The following BAZ1B variants were observed in gnomAD, a reference collection of about 807,000 sequenced individuals.
BAZ1B encodes the protein tyrosine-protein kinase BAZ1B.
A neutral mutation model predicts 153.8 loss-of-function variants in BAZ1B; 22 were observed. The ratio of observed to expected loss-of-function variants is 0.14; its 90% confidence interval spans 0.10 to 0.20. The LOEUF (loss-of-function observed/expected upper bound fraction) is 0.20. Among genes scored for constraint, BAZ1B ranks in the 10% least tolerant of loss-of-function variants. The probability of loss-of-function intolerance (pLI) is 1.00; values close to 1 mark genes in which losing one functional copy is unlikely to be tolerated. For missense variants in BAZ1B, 1,325 were observed against 1,799.3 expected, an observed-to-expected ratio of 0.74 and a Z score of 4.77; for synonymous variants, 676 against 633.4, an observed-to-expected ratio of 1.07 and a Z score of -1.01.
At chr7:73,502,715 T>C (rs570329736) in intron 3 of BAZ1B, among the ~76,000 whole-genome samples, 5 of 151,812 alleles carry the variant, frequency 3.3e-5, no homozygotes, top group East Asian at 3.9e-4. Flanking sequence ...GAAGTGGAGG[T>C]TGCAGTAAGC....
intron 6 of BAZ1B, among the ~76,000 whole-genome samples, chr7:73,482,735 T>C (rs927390650): frequency 1.3e-5 from 2 of 152,194 alleles, no homozygotes; most frequent in African/African-American, 4.8e-5. Flanking sequence ...GGCTTAGCCA[T>C]GAGGGTCTAG....
chr7:73,476,769 A>T, intron 7 of BAZ1B, 99 bp downstream of exon 7: 1 of 1,505,264 alleles, frequency 6.6e-7, no homozygotes, highest in Non-Finnish European at 8.8e-7. Context: ...ACATACAGAA[A>T]TAAGTAAACA....
At chr7:73,482,672 T>C (rs1205433919) in intron 6 of BAZ1B, among the ~76,000 whole-genome samples, 3 of 152,202 alleles carry the variant, frequency 2.0e-5, no homozygotes, top group Admixed American at 1.3e-4. Flanking sequence ...TTTAAACTTC[T>C]TCCACTTAGA....
chr7:73,470,565 A>G, intron 7 of BAZ1B, 82 bp from the exon 8 acceptor site: 1 of 1,505,884 alleles, frequency 6.6e-7, no homozygotes. Context: ...TGGAGTAAAA[A>G]GTGCCTAGTA....
chr7:73,489,296 T>C lies in BAZ1B; in HGVS notation c.789A>G (p.Arg263=). Residue 263 remains arginine (R), a synonymous_variant, in exon 6 of 20, where the codon CGA becomes CGG. Coordinates refer to ENST00000339594, the MANE Select transcript of BAZ1B (RefSeq NM_032408.4). The part of the protein sequence containing the change: ...VRYFIRHNAL[R]AGTGENAPWV... ...AAGGTGCATTTTCACCAGTACCAGCTCGTAATGCATTATGCCGTATAAAGT... is the reference window on the plus strand; with the variant it reads ...AAGGTGCATTTTCACCAGTACCAGCCCGTAATGCATTATGCCGTATAAAGT... The C allele has an allele frequency of 1.2e-6, 2 of 1,614,170 alleles. No homozygotes were observed. Among genetic ancestry groups the C allele is most frequent in the Non-Finnish European group, 1.7e-6 (2 of 1,180,042 alleles).
At position 73,498,697 on chromosome 7, in the gene BAZ1B, A is replaced by T. The variant is rs782783903; in HGVS notation, c.371T>A (p.Val124Asp). The change falls in exon 4 of 20, where the codon GTT becomes GAT. Residue 124 changes from valine to aspartate, a missense_variant and splice_region_variant. Physicochemically the swap from Val to Asp is radical, Grantham distance 152. This residue lies in a region of BAZ1B where 153 missense variants were observed against 204.8 expected (regional missense o/e 0.75). Coordinates refer to ENST00000339594, the MANE Select transcript of BAZ1B (RefSeq NM_032408.4). ...YAVGEECDFE[V>D]GKEKMLKVKI... Reference sequence around the variant, plus strand: ...CACCTTGAGCATTTTCTCCTTCCCAACCTATAAAGGAGGTAGTAGAGAAAA... The same window carrying T: ...CACCTTGAGCATTTTCTCCTTCCCATCCTATAAAGGAGGTAGTAGAGAAAA... 1.2e-6 allele frequency: 2 copies of T among 1,613,502 alleles called. No individual in the cohort carries two copies. The highest frequency in any genetic ancestry group is 2.2e-5 in the South Asian group (2 of 91,076).
chr7:73,456,937 C>CAAAA (rs71071937), intron 13 of BAZ1B, among the ~76,000 whole-genome samples: 12 of 39,586 alleles, frequency 3.0e-4, no homozygotes, highest in South Asian at 1.2e-3. Context: ...GACTCTGTCT[C>CAAAA]AAAAAAAAAA....
intron 13 of BAZ1B, among the ~76,000 whole-genome samples, chr7:73,454,133 T>TAAATAAATAAATAAATAAATAA (rs1788111481): frequency 6.8e-6 from 1 of 146,780 alleles, no homozygotes; most frequent in African/African-American, 2.5e-5. Context: ...ACCCCTTCTC[T>TAAATAAATAAATAAATAAATAA]ATAAATAAAT....
chr7:73,452,263 A>G (rs1252692552), intron 13 of BAZ1B, among the ~76,000 whole-genome samples: 2 of 152,210 alleles, frequency 1.3e-5, no homozygotes, highest in African/African-American at 2.4e-5. Flanking sequence ...ATGTAACAGT[A>G]CTTTCATCAG....
intron 13 of BAZ1B, among the ~76,000 whole-genome samples, chr7:73,455,027 GGTGTGT>G (rs140946302): frequency 6.7e-6 from 1 of 149,484 alleles, no homozygotes; most frequent in Non-Finnish European, 1.5e-5. Context: ...CCACACTCGG[GGTGTGT>G]GTGTGTGTGT....
At chr7:73,467,675 T>C (rs782546052) in intron 9 of BAZ1B, among the ~76,000 whole-genome samples, 17 of 152,188 alleles carry the variant, frequency 1.1e-4, no homozygotes, top group Non-Finnish European at 1.8e-4. Flanking sequence ...CCAGCCTCAG[T>C]TGGGTAATTT....
intron 9 of BAZ1B, 102 bp downstream of exon 9, chr7:73,469,415 A>C: frequency 4.2e-6 from 6 of 1,442,612 alleles, no homozygotes; most frequent in Non-Finnish European, 5.7e-6. Flanking sequence ...ACCACAATAA[A>C]GAAATTCTGC....
intron 13 of BAZ1B, among the ~76,000 whole-genome samples, chr7:73,454,212 G>C (rs1788115037): frequency 6.6e-6 from 1 of 152,058 alleles, no homozygotes; most frequent in Non-Finnish European, 1.5e-5. Flanking sequence ...TGTAGTTCCA[G>C]CTACTCGGGA....
rs1554565509 is a variant in BAZ1B, at chr7:73,442,845, A to G, written c.3991-17T>C. On this transcript the variant is annotated splice_polypyrimidine_tract_variant and intron_variant, in intron 17 of 19. Coordinates refer to ENST00000339594, the MANE Select transcript of BAZ1B (RefSeq NM_032408.4). ...CTGAAGCACCTGGCAGGAAAGAAAG[A>G]ACAATGTTATTACAGATTCAAGACA... The G allele has an allele frequency of 1.3e-6, 2 of 1,590,912 alleles. No individual in the cohort carries two copies. The highest frequency in any genetic ancestry group is 2.2e-5 in the South Asian group (2 of 90,516).
rs1156968567 is a variant in BAZ1B, at chr7:73,441,180, AAGG to A, written c.*526_*528del. On this transcript the variant is annotated 3_prime_UTR_variant, in exon 20 of 20. Transcript: ENST00000339594. ...GCTCTAGAGGAGAGTGGATGGGCTG[AAGG>A]AGAAGCCAGGGAAGTTAGAGCAAAC... 4 of 152,694 alleles carry A rather than the reference AAGG, an allele frequency of 2.6e-5. No individual in the cohort carries two copies. The highest frequency in any genetic ancestry group is 4.8e-5 in the African/African-American group (2 of 41,438). 9.5% of individuals were successfully genotyped at this position (152,694 alleles called of 1,614,324 possible).
At chr7:73,464,857 C>T (rs1554570956) in intron 11 of BAZ1B, among the ~76,000 whole-genome samples, 2 of 151,998 alleles carry the variant, frequency 1.3e-5, no homozygotes, top group Admixed American at 6.6e-5. Context: ...TCCCAAGTAG[C>T]TAAGACTACA....
rs782781186 is a variant in BAZ1B, at chr7:73,477,588, A to G, written c.1873T>C (p.Leu625=). The change falls in exon 7 of 20, where the codon TTA becomes CTA. Residue 625 remains leucine (L), a synonymous_variant. Transcript: ENST00000339594. This position sits in a 1 kb window ranked among gnomAD's most constrained non-coding sequence, Gnocchi z 5.6. ...EFLSCYSGLL[L]PDAQYPITAV... ...GTAATAGGATACTGAGCATCTGGTA[A>G]AAGTAGCCCAGAATAACAGCTCAAG... 4 of 1,614,176 alleles carry G rather than the reference A, an allele frequency of 2.5e-6. No homozygotes were observed. In the South Asian group the frequency reaches 3.3e-5, roughly 13 times the overall value.
At chr7:73,510,912 A>G (rs781999564) in intron 1 of BAZ1B, 60 bp from the exon 2 acceptor site, 192 of 1,366,050 alleles carry the variant, frequency 1.4e-4, no homozygotes, top group Non-Finnish European at 2.0e-4. Flanking sequence ...ACCCATACCC[A>G]TAAGATACTT....
chr7:73,515,932 G>A (rs1432590172), intron 1 of BAZ1B, among the ~76,000 whole-genome samples: 2 of 152,120 alleles, frequency 1.3e-5, no homozygotes, highest in Admixed American at 6.5e-5. Flanking sequence ...ATCACTTGAG[G>A]CCAGGTGTTC....
Sources: gnomAD v4.1 joint callset for allele counts (sites outside exome capture counted in the v4.1 genomes callset) on GRCh38, gnomAD v4.1.1 for gene constraint, gnomAD v4.1.1 regional missense constraint, Gnocchi (gnomAD v3.1) non-coding constraint, MANE v1.5 for transcripts, NCBI Gene and HGNC (gene_info 2026-07-23, HGNC 2026-07-21) for gene names.